Variants in RNASET2 observed in about 807,000 individuals in gnomAD.
RNASET2 encodes ribonuclease 6.
RNASET2 carries 28 observed loss-of-function variants against 33.9 expected under a neutral mutation model. The ratio of observed to expected loss-of-function variants is 0.83; its 90% CI spans 0.61 to 1.13. The LOEUF is 1.13. Ranked by LOEUF, RNASET2 falls within the 50% of genes most tolerant of loss-of-function variation. The probability of loss-of-function intolerance (pLI) is 0.00; values close to 1 mark genes in which losing one functional copy is unlikely to be tolerated. For synonymous variants in RNASET2, 123 were observed against 121.0 expected, an observed-to-expected ratio of 1.02 and a Z score of -0.11; for missense variants, 330 against 319.9, an observed-to-expected ratio of 1.03 and a Z score of -0.24.
chr6:166,955,030 T>C (rs975815160), intron 1 of RNASET2, among the ~76,000 whole-genome samples: 14 of 110,876 alleles, frequency 1.3e-4, no homozygotes, highest in Admixed American at 2.8e-4. Flanking sequence ...CCACACCTAC[T>C]ATGTAAGTAA....
At chr6:166,930,855 GCA>G (rs200491139) in intron 8 of RNASET2, among the ~76,000 whole-genome samples, 187 bp downstream of exon 8, 9 of 140,668 alleles carry the variant, frequency 6.4e-5, no homozygotes, top group African/African-American at 1.9e-4. Flanking sequence ...ACACACACAT[GCA>G]CACACAGCAC....
intron 6 of RNASET2, among the ~76,000 whole-genome samples, chr6:166,937,669 G>A (rs1032525971): frequency 1.6e-4 from 24 of 152,182 alleles, no homozygotes; most frequent in African/African-American, 5.6e-4. Context: ...AGAGACTTCA[G>A]GGTTGAGGGC....
At chr6:166,952,797 G>A (rs1779020018) in intron 1 of RNASET2, 6 of 475,386 alleles carry the variant, frequency 1.3e-5, no homozygotes, top group South Asian at 1.0e-4. Context: ...GGAGGGGAGA[G>A]GAGGGGAAGC....
At chr6:166,943,120 C>T (rs375993368) in intron 4 of RNASET2, 31 bp from the exon 5 acceptor site, 13 of 1,544,360 alleles carry the variant, frequency 8.4e-6, no homozygotes, top group Non-Finnish European at 8.9e-6. Context: ...TAAGTCTACG[C>T]AGGTTCTTAA....
chr6:166,941,042 T>A (rs907456404), intron 5 of RNASET2, among the ~76,000 whole-genome samples: 5 of 152,150 alleles, frequency 3.3e-5, no homozygotes, highest in African/African-American at 1.2e-4. Flanking sequence ...GTGACTTGAG[T>A]GATAGGCACA....
rs571942762 is a variant in RNASET2 at position 166,927,975 on chromosome 6, G to A, written c.*1613C>T. On this transcript the variant is annotated 3_prime_UTR_variant, in exon 9 of 9. Transcript: ENST00000508775. ...AGAAATGAGCTCAGAGAAGGGCCGAGGGACAATGACAAGGTGGGGACCCTG... is the reference window on the plus strand; with the variant it reads ...AGAAATGAGCTCAGAGAAGGGCCGAAGGACAATGACAAGGTGGGGACCCTG... Among the ~76,000 whole-genome samples, 35 of 152,222 alleles carry A rather than the reference G, an allele frequency of 2.3e-4. No homozygotes were observed. Among genetic ancestry groups the A allele is most frequent in the Non-Finnish European group, 4.3e-4 (29 of 68,048 alleles).
At chr6:166,935,918 C>T (rs1289466582) in intron 6 of RNASET2, among the ~76,000 whole-genome samples, 1 of 152,174 alleles carries the variant, frequency 6.6e-6, no homozygotes, top group Non-Finnish European at 1.5e-5. Context: ...CATGATCCAC[C>T]CGCCTTGGCC....
chr6:166,953,076 T>C (rs2128647646), intron 1 of RNASET2: 1 of 205,278 alleles, frequency 4.9e-6, no homozygotes, highest in Non-Finnish European at 1.0e-5. Context: ...GCAGAATTTG[T>C]GTCATTTGAT....
In RNASET2 at chr6:166,923,103, T is replaced by C. The variant is rs140509145; in HGVS notation, c.*6485A>G. On this transcript the variant is annotated 3_prime_UTR_variant, in exon 9 of 9. Transcript: ENST00000508775. ...AACTTTATCCATCTCAAACTTTCTT[T>C]TGGAGATGGAGTCTCACTCTGTTGC... Among the ~76,000 whole-genome samples, 1,081 of 152,286 alleles carry C rather than the reference T, an allele frequency of 7.1e-3. 13 individuals are homozygous for C. Among genetic ancestry groups the C allele is most frequent in the African/African-American group, 0.025 (1,037 of 41,550 alleles).
intron 5 of RNASET2, among the ~76,000 whole-genome samples, chr6:166,941,915 A>C (rs1778700715): frequency 6.6e-6 from 1 of 152,216 alleles, no homozygotes; most frequent in Non-Finnish European, 1.5e-5. Flanking sequence ...CTTGAATTCA[A>C]CATGGCGTTT....
intron 2 of RNASET2, among the ~76,000 whole-genome samples, chr6:166,950,284 C>T (rs1053647665): frequency 6.6e-6 from 1 of 152,198 alleles, no homozygotes; most frequent in Non-Finnish European, 1.5e-5. Flanking sequence ...ACACTCCCAA[C>T]AATTGAAAGT....
At chr6:166,948,396 C>A (rs770533322) in intron 3 of RNASET2, 174 bp downstream of exon 3, 6 of 667,434 alleles carry the variant, frequency 9.0e-6, no homozygotes, top group Admixed American at 4.4e-5. Context: ...AATTAAAGAA[C>A]AAGAGAATCA....
chr6:166,955,256 C>A (rs190328596), intron 1 of RNASET2, among the ~76,000 whole-genome samples: 3 of 110,846 alleles, frequency 2.7e-5, no homozygotes, highest in Non-Finnish European at 5.3e-5. Flanking sequence ...CACGCACACA[C>A]GCACACACAC....
At position 166,956,354 on chromosome 6, in the gene RNASET2, AC is replaced by A. The variant is rs1247920860; in HGVS notation, c.-173del. 4 of 644,444 alleles carry A rather than the reference AC, an allele frequency of 6.2e-6. No individual in the cohort carries two copies. Among genetic ancestry groups the A allele is most frequent in the Non-Finnish European group, 1.1e-5 (4 of 367,942 alleles). 39.9% of individuals were successfully genotyped at this position (644,444 alleles called of 1,614,324 possible). On this transcript the variant is annotated 5_prime_UTR_variant, in exon 1 of 9. Transcript: ENST00000508775. ...CGCCCGGAGCCCTGGGACGGCCTAAACCAGTATCTCGCGGGCCCCGCGCCGG... is the reference window on the plus strand; with the variant it reads ...CGCCCGGAGCCCTGGGACGGCCTAAACAGTATCTCGCGGGCCCCGCGCCGG...
intron 4 of RNASET2, chr6:166,945,488 C>T (rs934326808): frequency 6.5e-6 from 1 of 154,198 alleles, no homozygotes; most frequent in African/African-American, 2.4e-5. Flanking sequence ...CTTGGCTCAT[C>T]CCACTGAAGG....
Position 166,955,381 on chromosome 6 carries a change from GCACACACACACA to G in RNASET2, c.86+704_86+715del, listed in dbSNP as rs199506216. 36 of 250,884 alleles carry G rather than the reference GCACACACACACA, an allele frequency of 1.4e-4. 2 individuals carry two copies. In the African/African-American group the frequency reaches 2.8e-3, roughly 19 times the overall value. 15.5% of individuals were successfully genotyped at this position (250,884 alleles called of 1,614,324 possible). ...CACACACGCACACACAAACGCACAC[GCACACACACACA>G]CGCGCACACACACACGCGCACACAC... On this transcript the variant is annotated intron_variant, in intron 1 of 8. Transcript: ENST00000508775.
intron 6 of RNASET2, among the ~76,000 whole-genome samples, chr6:166,935,617 T>C (rs1188853645): frequency 1.3e-5 from 2 of 152,260 alleles, no homozygotes; most frequent in African/African-American, 4.8e-5. Flanking sequence ...AGATGATTTG[T>C]GGTTTTTCAG....
Position 166,926,938 on chromosome 6 carries a change from T to C in RNASET2, c.*2650A>G, listed in dbSNP as rs117443593. ...CTCCTGGCTGCTCTCCATCCTGAGA[T>C]GCGCCTGCTCCTTTGTCCCCCTGGG... On this transcript the variant is annotated 3_prime_UTR_variant, in exon 9 of 9. Coordinates refer to ENST00000508775, the MANE Select transcript of RNASET2 (RefSeq NM_003730.6). 7.4e-4 allele frequency among the ~76,000 whole-genome samples: 112 copies of C among 152,300 alleles called. 2 individuals are homozygous for C. In the East Asian group the frequency reaches 0.02, roughly 27 times the overall value.
At chr6:166,948,681 T>G in intron 2 of RNASET2, 56 bp from the exon 3 acceptor site, 1 of 1,018,504 alleles carries the variant, frequency 9.8e-7, no homozygotes, top group South Asian at 1.3e-5. Context: ...CAAATACACT[T>G]AGGAACCCTA....
Sources: allele counts gnomAD v4.1 joint callset (sites outside exome capture counted in the v4.1 genomes callset), GRCh38; gene constraint gnomAD v4.1.1; transcripts MANE v1.5; gene names NCBI Gene and HGNC (gene_info 2026-07-23, HGNC 2026-07-21).